CALN1: variants seen among roughly 807,000 people sequenced by gnomAD.
CALN1 encodes the protein calcium-binding protein 8.
CALN1 carries 17 observed loss-of-function variants against 30.6 expected under a neutral mutation model. That is an observed-to-expected ratio of 0.56 (90% CI 0.38 to 0.83). CALN1 has a LOEUF of 0.83. CALN1 is among the 40% of genes least tolerant of loss of function. The probability of loss-of-function intolerance (pLI) is 0.00; values close to 1 mark genes in which losing one functional copy is unlikely to be tolerated. For synonymous variants in CALN1, 156 were observed against 131.4 expected (o/e 1.19, Z -1.28); for missense variants, 291 against 354.9 (o/e 0.82, Z 1.45).
At chr7:72,324,104 C>G (rs1386604120) in intron 2 of CALN1, among the ~76,000 whole-genome samples, 1 of 151,946 alleles carries the variant, frequency 6.6e-6, no homozygotes, top group Non-Finnish European at 1.5e-5. Flanking sequence ...AAATGGTGTC[C>G]GAGTGCCCTG....
intron 5 of CALN1, among the ~76,000 whole-genome samples, chr7:71,940,337 C>T (rs1584561106): frequency 6.6e-6 from 1 of 152,174 alleles, no homozygotes; most frequent in Non-Finnish European, 1.5e-5. Context: ...TTCAGGCTGA[C>T]TTACTAGCCA....
chr7:72,076,611 CAAAAAAAAAAAA>C (rs572245834), intron 4 of CALN1, among the ~76,000 whole-genome samples: 7 of 6,126 alleles, frequency 1.1e-3, no homozygotes, highest in African/African-American at 2.5e-3. Flanking sequence ...AAAAAAAAAG[CAAAAAAAAAAAA>C]AAAAAAAAAA....
At chr7:72,022,767 T>G (rs1363714697) in intron 5 of CALN1, among the ~76,000 whole-genome samples, 1 of 152,126 alleles carries the variant, frequency 6.6e-6, no homozygotes, top group Admixed American at 6.5e-5. Flanking sequence ...CACTGATAGA[T>G]TATAGCATAT....
intron 2 of CALN1, among the ~76,000 whole-genome samples, chr7:72,368,656 G>C (rs1333787631): frequency 6.6e-6 from 1 of 152,070 alleles, no homozygotes; most frequent in African/African-American, 2.4e-5. Context: ...TCATCTGAAA[G>C]TGATTGATAC....
At chr7:71,954,533 T>A (rs1796860657) in intron 5 of CALN1, among the ~76,000 whole-genome samples, 1 of 152,050 alleles carries the variant, frequency 6.6e-6, no homozygotes, top group African/African-American at 2.4e-5. Flanking sequence ...GCATGTGTAG[T>A]CCCACCTTCT....
At chr7:71,899,625 T>C (rs1288231957) in intron 5 of CALN1, among the ~76,000 whole-genome samples, 1 of 152,162 alleles carries the variant, frequency 6.6e-6, no homozygotes, top group Non-Finnish European at 1.5e-5. Flanking sequence ...ATAAACATCT[T>C]GATGATATTT....
chr7:71,894,181 T>C (rs1210101175), intron 5 of CALN1, among the ~76,000 whole-genome samples: 1 of 152,180 alleles, frequency 6.6e-6, no homozygotes, highest in Non-Finnish European at 1.5e-5. Flanking sequence ...ATGTCTTTAT[T>C]TATAAACGGG....
At chr7:72,485,429 G>C in the CALN1 span, among the ~76,000 whole-genome samples, 4 of 152,158 alleles carry the variant, frequency 2.6e-5, no homozygotes, top group South Asian at 2.1e-4. Flanking sequence ...AATTTAGAAA[G>C]TTTTTGCTAT....
intron 3 of CALN1, among the ~76,000 whole-genome samples, chr7:72,191,232 C>T (rs1482509725): frequency 2.0e-5 from 3 of 152,112 alleles, no homozygotes; most frequent in Non-Finnish European, 4.4e-5. Flanking sequence ...GCCTTTGGAT[C>T]CTACAAGATG....
At chr7:72,458,291 T>C in the CALN1 span, among the ~76,000 whole-genome samples, 1 of 50,218 alleles carries the variant, frequency 2.0e-5, no homozygotes, top group Non-Finnish European at 3.2e-5. Context: ...TATTTTATAA[T>C]ATATTCTATA....
intron 2 of CALN1, among the ~76,000 whole-genome samples, chr7:72,304,419 G>A (rs1046347609): frequency 4.6e-5 from 7 of 152,152 alleles, no homozygotes; most frequent in Non-Finnish European, 5.9e-5. Context: ...AGGAAGGGGG[G>A]ATTGCCTGAG....
intron 5 of CALN1, among the ~76,000 whole-genome samples, chr7:71,825,366 TG>T (rs1215740933): frequency 6.6e-6 from 1 of 152,218 alleles, no homozygotes; most frequent in African/African-American, 2.4e-5. Context: ...TCATGAGATC[TG>T]GTAAGTTTTA....
chr7:72,128,021 A>C (rs1471476253), intron 3 of CALN1, among the ~76,000 whole-genome samples: 3 of 152,188 alleles, frequency 2.0e-5, no homozygotes, highest in Non-Finnish European at 2.9e-5. Flanking sequence ...AATCAGCAAA[A>C]TGTTGAAAAC....
At chr7:72,035,759 A>G (rs1327621330) in intron 4 of CALN1, among the ~76,000 whole-genome samples, 2 of 152,158 alleles carry the variant, frequency 1.3e-5, no homozygotes, top group Non-Finnish European at 2.9e-5. Flanking sequence ...ACTCCTTTCA[A>G]TTGTTGATGT....
intron 3 of CALN1, among the ~76,000 whole-genome samples, chr7:72,166,088 A>G (rs1788502367): frequency 6.6e-6 from 1 of 152,244 alleles, no homozygotes; most frequent in South Asian, 2.1e-4. Flanking sequence ...TGCAGTGAGC[A>G]CTAGCCATGT....
intron 5 of CALN1, among the ~76,000 whole-genome samples, chr7:71,962,279 TG>T (rs1797287550): frequency 6.6e-6 from 1 of 151,622 alleles, no homozygotes; most frequent in African/African-American, 2.4e-5. Flanking sequence ...GGCATGCACC[TG>T]TTGTTCCAGC....
upstream of CALN1, among the ~76,000 whole-genome samples, chr7:72,415,170 C>T (rs753531848): frequency 6.6e-6 from 1 of 152,238 alleles, no homozygotes; most frequent in Admixed American, 6.5e-5. Flanking sequence ...AGTTTAAGCT[C>T]CCCACCCGCT....
intron 2 of CALN1, among the ~76,000 whole-genome samples, chr7:72,373,606 G>T (rs73364923): frequency 1.3e-5 from 2 of 152,156 alleles, no homozygotes; most frequent in Non-Finnish European, 2.9e-5. Context: ...TAAGTTTTCT[G>T]AAGATATTTT....
intron 3 of CALN1, among the ~76,000 whole-genome samples, chr7:72,207,412 T>C (rs1256403655): frequency 6.6e-6 from 1 of 152,174 alleles, no homozygotes; most frequent in Non-Finnish European, 1.5e-5. Flanking sequence ...CCTGCCAGCC[T>C]GTTTTATTTT....
Sources: allele counts gnomAD v4.1 joint callset (sites outside exome capture counted in the v4.1 genomes callset), GRCh38; gene constraint gnomAD v4.1.1; transcripts MANE v1.5; gene names NCBI Gene and HGNC (gene_info 2026-07-23, HGNC 2026-07-21).